CEP43: variants seen among roughly 807,000 people sequenced by gnomAD.
The protein encoded by CEP43 is FGFR1 oncogene partner.
Under a neutral mutation model 52.6 loss-of-function variants are expected in CEP43, and 36 were observed. The observed-to-expected ratio is 0.68, with a 90% CI of 0.52 to 0.90. The LOEUF (loss-of-function observed/expected upper bound fraction) is 0.90, where lower values mean the gene tolerates loss of function less well. Among genes scored for constraint, CEP43 ranks in the 40% least tolerant of loss-of-function variants. The pLI, the probability that CEP43 is intolerant of heterozygous loss-of-function variation, is 0.00. For missense variants in CEP43, 506 were observed against 472.8 expected (o/e 1.07, Z -0.65); for synonymous variants, 192 against 172.4 (o/e 1.11, Z -0.89).
At chr6:167,037,685 T>C (rs1562534720) in intron 12 of CEP43, among the ~76,000 whole-genome samples, 1 of 152,212 alleles carries the variant, frequency 6.6e-6, no homozygotes, top group Non-Finnish European at 1.5e-5. Context: ...AGAGGATATG[T>C]GGGGGGCAGA....
Position 167,043,065 on chromosome 6 carries a change from T to A in CEP43, c.*3087T>A, listed in dbSNP as rs2114855134. The A allele has an allele frequency of 6.6e-6, 1 of 152,334 alleles. No individual in the cohort carries two copies. The highest frequency in any genetic ancestry group is 1.5e-5 in the Non-Finnish European group (1 of 68,160). 9.4% of individuals were successfully genotyped at this position (152,334 alleles called of 1,614,324 possible). A position where few individuals can be genotyped will look rare whatever the true frequency, so the allele number is the denominator to read the frequency against. ...ACCTGGGGAGGTCCCTAGGTTCAAG[T>A]CTGCAGGAAGGGGATCTGGTTCAGG... On this transcript the variant is annotated 3_prime_UTR_variant, in exon 13 of 13. Coordinates refer to ENST00000366847, the MANE Select transcript of CEP43 (RefSeq NM_007045.4).
chr6:167,002,898 AAAT>A (rs1473250471), intron 2 of CEP43, among the ~76,000 whole-genome samples: 1 of 152,260 alleles, frequency 6.6e-6, no homozygotes, highest in African/African-American at 2.4e-5. Context: ...CATGTATTTG[AAAT>A]AATAAACAGT....
chr6:167,024,424 G>A (rs146517171), intron 8 of CEP43, among the ~76,000 whole-genome samples: 99 of 152,276 alleles, frequency 6.5e-4, no homozygotes, highest in African/African-American at 2.3e-3. Context: ...TATTAAATCT[G>A]AGAGGTGGCA....
chr6:167,039,932 T>C lies in CEP43; in HGVS notation c.1154T>C (p.Val385Ala). 1 of 1,613,802 alleles carries C rather than the reference T, an allele frequency of 6.2e-7. No individual in the cohort carries two copies. Among genetic ancestry groups the C allele is most frequent in the Non-Finnish European group, 8.5e-7 (1 of 1,179,664 alleles). The stretch of plus-strand genomic sequence containing the variant: ...GATGACCTCACACAAGATCTGACTG[T>C]ATCCCAGCTCAGTGATGTTGCGGAT... ...KLDDLTQDLT[V>A]SQLSDVADYL... The change falls in exon 13 of 13, where the codon GTA (valine) becomes GCA (alanine). Residue 385 changes from valine to alanine, a missense_variant. Transcript: ENST00000366847.
intron 7 of CEP43, among the ~76,000 whole-genome samples, chr6:167,014,870 G>T (rs2128661277): frequency 6.6e-6 from 1 of 152,272 alleles, no homozygotes; most frequent in East Asian, 1.9e-4. Flanking sequence ...CATACCTTAA[G>T]TAAGATATAA....
Position 166,999,417 on chromosome 6 carries a change from C to A in CEP43, c.5C>A (p.Ala2Glu). 1 of 1,472,136 alleles carries A rather than the reference C, an allele frequency of 6.8e-7. No individual in the cohort carries two copies. Among genetic ancestry groups the A allele is most frequent in the South Asian group, 1.3e-5 (1 of 75,144 alleles). 91.2% of individuals were successfully genotyped at this position (1,472,136 alleles called of 1,614,324 possible). A position where few individuals can be genotyped will look rare whatever the true frequency, so the allele number is the denominator to read the frequency against. Residue 2 changes from alanine to glutamate, a missense_variant, in exon 1 of 13, where the codon GCG becomes GAG. By Grantham distance (107) the Ala-to-Glu change is moderately radical. Coordinates refer to ENST00000366847, the MANE Select transcript of CEP43 (RefSeq NM_007045.4). M[A>E]ATAAAVVAEE... ...CGGTTGTCTTGGAGAAGCAAGATGG[C>A]GGCGACGGCGGCCGCAGTGGTGGCC...
In CEP43 at chr6:166,999,446, G is replaced by A; in HGVS notation, c.34G>A (p.Glu12Lys). 11 of 1,481,462 alleles carry A rather than the reference G, an allele frequency of 7.4e-6. No individual in the cohort carries two copies. The highest frequency in any genetic ancestry group is 9.9e-6 in the Non-Finnish European group (11 of 1,113,446). 91.8% of individuals were successfully genotyped at this position (1,481,462 alleles called of 1,614,324 possible). A position where few individuals can be genotyped will look rare whatever the true frequency, so the allele number is the denominator to read the frequency against. ...AATAAAVVAE[E>K]DTELRDLLVQ... is the part of the protein sequence containing the mutation. ...GACGGCGGCCGCAGTGGTGGCCGAG[G>A]AGGACACGGAGCTGCGGGACCTGCT... Residue 12 changes from glutamate to lysine, a missense_variant, in exon 1 of 13, where the codon GAG (glutamate) becomes AAG (lysine). Transcript: ENST00000366847.
chr6:167,035,630 T>G (rs1780567771), intron 12 of CEP43, among the ~76,000 whole-genome samples: 1 of 151,802 alleles, frequency 6.6e-6, no homozygotes, highest in South Asian at 2.1e-4. Flanking sequence ...GCAGTGGCGC[T>G]ATCTCAGCTC....
In CEP43 at chr6:167,010,818, A is replaced by G. The variant is rs766000037; in HGVS notation, c.444A>G (p.Ala148=). The change falls in exon 6 of 13, where the codon GCA becomes GCG. Residue 148 remains alanine (A), a synonymous_variant. Coordinates refer to ENST00000366847, the MANE Select transcript of CEP43 (RefSeq NM_007045.4). ...TTTAAACTAAAATATTTTAGGGTGCACTTGATCTATCTGATGTACATTCTC... is the reference window on the plus strand; with the variant it reads ...TTTAAACTAAAATATTTTAGGGTGCGCTTGATCTATCTGATGTACATTCTC... The part of the protein sequence containing the change: ...KEKGPTTGEG[A]LDLSDVHSPP... The G allele has an allele frequency of 3.4e-5, 52 of 1,545,686 alleles. No individual in the cohort carries two copies. Among genetic ancestry groups the G allele is most frequent in the Non-Finnish European group, 4.3e-5 (49 of 1,142,986 alleles).
chr6:167,000,089 A>G lies in CEP43; in HGVS notation c.132A>G (p.Ala44=), dbSNP rs560567021. The G allele has an allele frequency of 2.5e-6, 4 of 1,613,048 alleles. No homozygotes were observed. The East Asian group carries it at 8.9e-5, about 36-fold the overall frequency. ...KAELRAAVFL[A]LEEQEKVENK... Reference sequence around the variant, plus strand: ...AACTCCGAGCAGCTGTGTTTTTAGCACTAGAGGAGCAAGAAAAAGTAGAGG... The same window carrying G: ...AACTCCGAGCAGCTGTGTTTTTAGCGCTAGAGGAGCAAGAAAAAGTAGAGG... The change falls in exon 2 of 13, where the codon GCA becomes GCG. Residue 44 remains alanine (A), a synonymous_variant. Coordinates refer to ENST00000366847, the MANE Select transcript of CEP43 (RefSeq NM_007045.4).
chr6:167,004,010 A>T (rs569136322), intron 4 of CEP43, 199 bp downstream of exon 4: 1 of 588,590 alleles, frequency 1.7e-6, no homozygotes, highest in South Asian at 2.4e-5. Flanking sequence ...GTGTTACTTG[A>T]AAGCTTGCTA....
In CEP43 at chr6:167,016,816, G is replaced by A. The variant is rs75932646; in HGVS notation, c.579+3249G>A. Among the ~76,000 whole-genome samples the A allele has an allele frequency of 4.9e-3, 746 of 152,106 alleles. 24 individuals carry two copies. The East Asian group carries it at 0.09, about 18-fold the overall frequency. ...AGTAAGTCATGGATCAGAAACTGTC[G>A]TTGGCAGGGAGAGAGGTGGGGGGCA... On this transcript the variant is annotated intron_variant, in intron 7 of 12. Transcript: ENST00000366847.
In CEP43 at chr6:167,039,921, A is replaced by C; in HGVS notation, c.1143A>C (p.Gln381His). 1 of 1,613,812 alleles carries C rather than the reference A, an allele frequency of 6.2e-7. No homozygotes were observed. The highest frequency in any genetic ancestry group is 2.2e-5 in the East Asian group (1 of 44,874). ...CAACAAAGCTTGATGACCTCACACA[A>C]GATCTGACTGTATCCCAGCTCAGTG... ...NTSDKLDDLT[Q>H]DLTVSQLSDV... The change falls in exon 13 of 13, where the codon CAA (glutamine) becomes CAC (histidine). Residue 381 changes from glutamine (Q) to histidine (H), a missense_variant. Physicochemically the swap from Gln to His is conservative, Grantham distance 24. Transcript: ENST00000366847.
rs1390845628 is a variant in CEP43, at chr6:167,047,868, G to GT, written c.*7891dup. ...TCAGAGGAACCTCACGGTGGATGCC[G>GT]TAAGTGTTTACACTGAAAAGGATTT... On this transcript the variant is annotated 3_prime_UTR_variant, in exon 13 of 13. Transcript: ENST00000366847. The GT allele has an allele frequency of 2.0e-5, 3 of 152,124 alleles. No homozygotes were observed. Among genetic ancestry groups the GT allele is most frequent in the Non-Finnish European group, 4.4e-5 (3 of 68,016 alleles). 9.4% of individuals were successfully genotyped at this position (152,124 alleles called of 1,614,324 possible).
rs1026663484 is a variant in CEP43, at chr6:167,041,323, A to G, written c.*1345A>G. On this transcript the variant is annotated 3_prime_UTR_variant, in exon 13 of 13. Transcript: ENST00000366847. ...TGTGTAACAGAATCTGGCTTTTTAA[A>G]ATTTAAGTGAAACTAAGCTGTAAAC... 9.5e-7 allele frequency: 1 copy of G among 1,055,018 alleles called. No homozygotes were observed. Among genetic ancestry groups the G allele is most frequent in the Middle Eastern group, 4.2e-4 (1 of 2,364 alleles). The allele number at this position is 1,055,018 out of a possible 1,614,324, so 65.4% of individuals were successfully genotyped here. A position where few individuals can be genotyped will look rare whatever the true frequency, so the allele number is the denominator to read the frequency against.
At position 167,032,634 on chromosome 6, in the gene CEP43, T is replaced by C; in HGVS notation, c.1020T>C (p.Asp340=). Residue 340 remains aspartate, a synonymous_variant, in exon 11 of 13, where the codon GAT becomes GAC. Coordinates refer to ENST00000366847, the MANE Select transcript of CEP43 (RefSeq NM_007045.4). ...GTGEDDDYVD[D]FNSTSHRSEK... ...GAGAAGATGATGACTATGTTGATGATTTTAATAGGTAAGAAAAACTATTGG... is the reference window on the plus strand; with the variant it reads ...GAGAAGATGATGACTATGTTGATGACTTTAATAGGTAAGAAAAACTATTGG... The C allele has an allele frequency of 2.5e-6, 4 of 1,578,106 alleles. No homozygotes were observed. The highest frequency in any genetic ancestry group is 3.5e-6 in the Non-Finnish European group (4 of 1,157,700).
chr6:167,009,660 C>T (rs552366159), intron 5 of CEP43, among the ~76,000 whole-genome samples: 7 of 141,994 alleles, frequency 4.9e-5, no homozygotes, highest in South Asian at 2.2e-4. Flanking sequence ...AATGAAACTC[C>T]GTCTCAAAAA....
Position 167,023,159 on chromosome 6 carries a change from C to T in CEP43, c.806+524C>T, listed in dbSNP as rs145865690. ...GGAGAGGAAACAGACAGCAGGGAGG[C>T]GAGTTGGGGGTAGCAGAGAGAGCAA... On this transcript the variant is annotated intron_variant, in intron 8 of 12. Transcript: ENST00000366847. Among the ~76,000 whole-genome samples the T allele has an allele frequency of 3.0e-4, 45 of 151,970 alleles. No individual in the cohort carries two copies. The East Asian group carries it at 7.7e-3, about 26-fold the overall frequency.
chr6:167,027,242 A>T (rs1400000594), intron 10 of CEP43, among the ~76,000 whole-genome samples: 1 of 152,210 alleles, frequency 6.6e-6, no homozygotes, highest in Non-Finnish European at 1.5e-5. Flanking sequence ...TGGAAGTAAG[A>T]GTGTCGATGT....
Sources: allele counts gnomAD v4.1 joint callset (sites outside exome capture counted in the v4.1 genomes callset), GRCh38; gene constraint gnomAD v4.1.1; transcripts MANE v1.5; gene names NCBI Gene and HGNC (gene_info 2026-07-23, HGNC 2026-07-21).